The following ADGRV1 variants were observed in gnomAD, a reference collection of about 807,000 sequenced individuals.
ADGRV1 encodes the protein G-protein coupled receptor 98.
ADGRV1 carries 359 observed loss-of-function variants against 596.2 expected under a neutral mutation model. The observed-to-expected ratio is 0.60, with a 90% CI of 0.55 to 0.66. The LOEUF is 0.66. Ranked by LOEUF, ADGRV1 falls within the 30% of genes least tolerant of loss-of-function variation. The probability of loss-of-function intolerance (pLI) is 0.00; values close to 1 mark genes in which losing one functional copy is unlikely to be tolerated. For missense variants in ADGRV1, 7,274 were observed against 7,575.6 expected, an observed-to-expected ratio of 0.96 and a Z score of 1.48; for synonymous variants, 2,681 against 2,679.2, an observed-to-expected ratio of 1.00 and a Z score of -0.02.
intron 77 of ADGRV1, among the ~76,000 whole-genome samples, chr5:90,832,201 T>C (rs923865068): frequency 4.6e-5 from 7 of 152,220 alleles, no homozygotes; most frequent in Non-Finnish European, 8.8e-5. Context: ...GTGGTTGTAC[T>C]AATTTACATT....
chr5:90,560,638 G>A (rs533201928), intron 1 of ADGRV1, among the ~76,000 whole-genome samples: 9 of 152,190 alleles, frequency 5.9e-5, no homozygotes, highest in African/African-American at 2.2e-4. Flanking sequence ...TACTATAAGA[G>A]TCTATAATGG....
intron 50 of ADGRV1, 67 bp downstream of exon 50, chr5:90,729,831 A>C: frequency 1.0e-3 from 1,471 of 1,468,346 alleles, no homozygotes; most frequent in Non-Finnish European, 1.2e-3. Context: ...TTTTAATCTC[A>C]TTGATTTAGA....
chr5:91,065,926 A>C (rs1214765771), intron 85 of ADGRV1, among the ~76,000 whole-genome samples: 4 of 152,228 alleles, frequency 2.6e-5, no homozygotes, highest in Non-Finnish European at 4.4e-5. Flanking sequence ...GGTTCTAATA[A>C]GAAAATCTAT....
intron 83 of ADGRV1, among the ~76,000 whole-genome samples, chr5:90,868,127 C>T (rs1280265961): frequency 6.6e-6 from 1 of 152,012 alleles, no homozygotes; most frequent in African/African-American, 2.4e-5. Context: ...GTTTCCGGAT[C>T]CTACTTGTTA....
chr5:90,975,446 T>C (rs990657601), intron 84 of ADGRV1, among the ~76,000 whole-genome samples: 1 of 152,144 alleles, frequency 6.6e-6, no homozygotes, highest in Non-Finnish European at 1.5e-5. Flanking sequence ...GACTTGGAAC[T>C]CACCCAAATG....
At chr5:90,911,397 C>T (rs541416808) in intron 83 of ADGRV1, among the ~76,000 whole-genome samples, 1 of 152,084 alleles carries the variant, frequency 6.6e-6, no homozygotes, top group Non-Finnish European at 1.5e-5. Context: ...CACACTGATC[C>T]AGACCTCATG....
intron 83 of ADGRV1, among the ~76,000 whole-genome samples, chr5:90,923,284 T>C (rs1297257529): frequency 2.0e-5 from 3 of 152,150 alleles, no homozygotes; most frequent in African/African-American, 7.2e-5. Context: ...GCTAGCCTAA[T>C]GTATATAAAG....
chr5:90,565,257 C>T, intron 1 of ADGRV1, among the ~76,000 whole-genome samples: 1 of 152,096 alleles, frequency 6.6e-6, no homozygotes, highest in Middle Eastern at 3.2e-3. Flanking sequence ...GTTGTGCAAC[C>T]ATCACCACTG....
At chr5:91,136,485 C>A (rs903652068) in intron 87 of ADGRV1, among the ~76,000 whole-genome samples, 1 of 152,198 alleles carries the variant, frequency 6.6e-6, no homozygotes, top group Admixed American at 6.5e-5. Flanking sequence ...AGCCTTGTGG[C>A]AGGCCACCTC....
chr5:90,981,983 G>A (rs1406393771), intron 84 of ADGRV1, among the ~76,000 whole-genome samples: 1 of 150,272 alleles, frequency 6.7e-6, no homozygotes, highest in Non-Finnish European at 1.5e-5. Context: ...ACTTACTTGA[G>A]AGGCTGAGGT....
chr5:90,856,786 T>TC (rs1484333687), intron 82 of ADGRV1, among the ~76,000 whole-genome samples: 3 of 152,182 alleles, frequency 2.0e-5, no homozygotes, highest in Non-Finnish European at 4.4e-5. Context: ...ACTTCATTTT[T>TC]CCCACCCATG....
At position 91,031,289 on chromosome 5, in the gene ADGRV1, T is replaced by C. The variant is rs531935962; in HGVS notation, c.18153-41158T>C. The C allele has an allele frequency of 2.3e-5, 35 of 1,533,674 alleles. 1 individual carries two copies. In the East Asian group the frequency reaches 5.6e-4, roughly 25 times the overall value. ...AAGGCCAGCCTGTTGTAAGTCTCAT[T>C]GATTTCAAACATAGTAAAATGCTGC... is the stretch of plus-strand genomic sequence containing the variant. On this transcript the variant is annotated intron_variant, in intron 85 of 89. Transcript: ENST00000405460.
chr5:90,611,790 C>G (rs1762758506), intron 1 of ADGRV1, among the ~76,000 whole-genome samples: 1 of 151,704 alleles, frequency 6.6e-6, no homozygotes, highest in Admixed American at 6.6e-5. Context: ...GCCTTGTCTT[C>G]TGAGTTTAAT....
intron 1 of ADGRV1, among the ~76,000 whole-genome samples, chr5:90,574,906 T>A (rs1757003080): frequency 6.6e-6 from 1 of 152,224 alleles, no homozygotes; most frequent in African/African-American, 2.4e-5. Context: ...TGAGGATTTT[T>A]TATATTTCTC....
chr5:91,008,692 G>C (rs1016029849), intron 85 of ADGRV1, among the ~76,000 whole-genome samples: 12 of 151,764 alleles, frequency 7.9e-5, no homozygotes, highest in Non-Finnish European at 1.3e-4. Context: ...TTAGTAGAGA[G>C]GGGGTCTAAC....
intron 85 of ADGRV1, among the ~76,000 whole-genome samples, chr5:91,007,338 A>G (rs1464744523): frequency 1.3e-5 from 2 of 152,132 alleles, no homozygotes; most frequent in Admixed American, 6.5e-5. Flanking sequence ...GTTTTTTAAC[A>G]TATACTCATA....
At chr5:90,634,479 T>C (rs931783498) in intron 9 of ADGRV1, among the ~76,000 whole-genome samples, 1 of 152,224 alleles carries the variant, frequency 6.6e-6, no homozygotes, top group African/African-American at 2.4e-5. Context: ...ACACTATATG[T>C]TATACATTGC....
chr5:90,851,126 TGTGTGTGTGAGAGAGAGA>T (rs1187316634), intron 79 of ADGRV1, among the ~76,000 whole-genome samples: 4 of 95,308 alleles, frequency 4.2e-5, no homozygotes, highest in Non-Finnish European at 6.8e-5. Flanking sequence ...TGTGTGTGTG[TGTGTGTGTGAGAGAGAGA>T]GAGAGAGAGA....
intron 59 of ADGRV1, among the ~76,000 whole-genome samples, chr5:90,773,440 G>GA (rs1334467259): frequency 3.3e-5 from 5 of 151,768 alleles, no homozygotes; most frequent in African/African-American, 4.8e-5. Context: ...AAAAAAATAA[G>GA]AAAAAATAAA....
Sources: gnomAD v4.1 joint callset for allele counts (sites outside exome capture counted in the v4.1 genomes callset) on GRCh38, gnomAD v4.1.1 for gene constraint, MANE v1.5 for transcripts, NCBI Gene and HGNC (gene_info 2026-07-23, HGNC 2026-07-21) for gene names.